The following CNTNAP5 variants were observed in gnomAD, a reference collection of about 807,000 sequenced individuals.
The protein encoded by CNTNAP5 is contactin-associated protein-like 5.
In CNTNAP5, 72 loss-of-function variants were observed where a neutral mutation model predicts 150.2. The observed-to-expected ratio is 0.48, with a 90% confidence interval of 0.40 to 0.58. CNTNAP5 has a LOEUF of 0.58. Among genes scored for constraint, CNTNAP5 ranks in the 20% least tolerant of loss-of-function variants. The pLI is 0.00. For synonymous variants in CNTNAP5, 672 were observed against 619.8 expected, an observed-to-expected ratio of 1.08 and a Z score of -1.25; for missense variants, 1,636 against 1,626.2, an observed-to-expected ratio of 1.01 and a Z score of -0.10.
intron 19 of CNTNAP5, among the ~76,000 whole-genome samples, chr2:124,805,699 G>T (rs888648561): frequency 6.6e-6 from 1 of 152,184 alleles, no homozygotes; most frequent in Non-Finnish European, 1.5e-5. Context: ...CAGACTGAAT[G>T]ACATAAACAA....
intron 1 of CNTNAP5, among the ~76,000 whole-genome samples, chr2:124,061,413 T>C (rs923592586): frequency 6.6e-5 from 10 of 152,316 alleles, no homozygotes; most frequent in African/African-American, 2.4e-4. Context: ...CTTTTTCTAA[T>C]AGAAGCTACT....
rs1030778154 is a variant in CNTNAP5, at chr2:124,664,598, T to G, written c.2077+16640T>G. On this transcript the variant is annotated intron_variant, in intron 13 of 23. Transcript: ENST00000682447. ...GGGCTCTGGAGTACGTCAAACCTGCTGCAGTCTGGGAATGACACATGTCAC... is the reference window on the plus strand; with the variant it reads ...GGGCTCTGGAGTACGTCAAACCTGCGGCAGTCTGGGAATGACACATGTCAC... 9.9e-5 allele frequency among the ~76,000 whole-genome samples: 15 copies of G among 152,202 alleles called. 1 individual carries two copies. The highest frequency in any genetic ancestry group is 4.4e-5 in the Non-Finnish European group (3 of 68,032).
At chr2:124,835,537 G>A (rs1682811655) in intron 19 of CNTNAP5, among the ~76,000 whole-genome samples, 1 of 152,090 alleles carries the variant, frequency 6.6e-6, no homozygotes, top group African/African-American at 2.4e-5. Context: ...GCGACATCCA[G>A]GTCCATGCCA....
intron 3 of CNTNAP5, among the ~76,000 whole-genome samples, chr2:124,273,144 T>A (rs2104615067): frequency 6.6e-6 from 1 of 152,336 alleles, no homozygotes; most frequent in South Asian, 2.1e-4. Flanking sequence ...ATAATGCCTG[T>A]CACATATTAA....
At chr2:124,092,046 G>A (rs1421140620) in intron 1 of CNTNAP5, among the ~76,000 whole-genome samples, 1 of 152,144 alleles carries the variant, frequency 6.6e-6, no homozygotes, top group Non-Finnish European at 1.5e-5. Context: ...ACCACTTCTG[G>A]TGGCCCCTAT....
chr2:124,191,212 AG>A (rs1685449789), intron 1 of CNTNAP5, among the ~76,000 whole-genome samples: 2 of 152,224 alleles, frequency 1.3e-5, no homozygotes, highest in Admixed American at 6.5e-5. Flanking sequence ...CCATCTCATC[AG>A]GCCAACAAAT....
chr2:124,497,404 A>G (rs1347142095), intron 7 of CNTNAP5, among the ~76,000 whole-genome samples: 3 of 152,202 alleles, frequency 2.0e-5, no homozygotes, highest in Non-Finnish European at 4.4e-5. Context: ...TAGGGTTGGC[A>G]AGTAATTCAG....
At chr2:124,211,185 G>A (rs577883058) in intron 1 of CNTNAP5, among the ~76,000 whole-genome samples, 6 of 152,278 alleles carry the variant, frequency 3.9e-5, no homozygotes, top group South Asian at 2.1e-4. Context: ...GCTAAAAACC[G>A]TGTGGATGGA....
chr2:124,641,857 A>G (rs748409375), intron 12 of CNTNAP5, among the ~76,000 whole-genome samples: 3 of 152,224 alleles, frequency 2.0e-5, no homozygotes, highest in South Asian at 2.1e-4. Flanking sequence ...ATATGTGTGT[A>G]GAATGAGGTC....
intron 3 of CNTNAP5, among the ~76,000 whole-genome samples, chr2:124,389,136 A>G (rs1691042549): frequency 6.6e-6 from 1 of 152,208 alleles, no homozygotes; most frequent in Non-Finnish European, 1.5e-5. Flanking sequence ...CAAACAAACA[A>G]GCAAACAGAA....
chr2:124,904,723 A>C (rs907988124), intron 22 of CNTNAP5, among the ~76,000 whole-genome samples: 2 of 152,128 alleles, frequency 1.3e-5, no homozygotes, highest in Non-Finnish European at 2.9e-5. Flanking sequence ...ATAAAAATTA[A>C]CTTGAAATGG....
chr2:124,882,297 C>A (rs1345907284), intron 21 of CNTNAP5, among the ~76,000 whole-genome samples: 4 of 152,068 alleles, frequency 2.6e-5, no homozygotes, highest in Non-Finnish European at 4.4e-5. Context: ...CTCACTGAGT[C>A]TCTGCCGGGG....
At chr2:124,123,717 C>T (rs777728716) in intron 1 of CNTNAP5, among the ~76,000 whole-genome samples, 17 of 152,150 alleles carry the variant, frequency 1.1e-4, no homozygotes, top group Admixed American at 2.0e-4. Context: ...TCCAGAAGGA[C>T]GATCTGACAG....
At chr2:124,761,150 A>T (rs1057180366) in intron 14 of CNTNAP5, among the ~76,000 whole-genome samples, 1 of 152,140 alleles carries the variant, frequency 6.6e-6, no homozygotes, top group Non-Finnish European at 1.5e-5. Context: ...CTCCTTGCCT[A>T]TCAATAGGTA....
At position 124,437,163 on chromosome 2, in the gene CNTNAP5, C is replaced by T. The variant is rs547432437; in HGVS notation, c.733+2476C>T. ...CTGTATCTCTAGCCTCCAGGAGAAA[C>T]TCTTCCTAAAGTAGGTACTTGAGGC... On this transcript the variant is annotated intron_variant, in intron 5 of 23. Transcript: ENST00000682447. 2.0e-5 allele frequency among the ~76,000 whole-genome samples: 3 copies of T among 152,288 alleles called. No homozygotes were observed. The East Asian group carries it at 5.8e-4, about 29-fold the overall frequency.
intron 3 of CNTNAP5, among the ~76,000 whole-genome samples, chr2:124,377,460 G>A (rs1573953866): frequency 6.6e-6 from 1 of 152,100 alleles, no homozygotes; most frequent in East Asian, 1.9e-4. Context: ...GATCACCTGA[G>A]GTCAGGAGTT....
chr2:124,718,705 G>A (rs1180578496), intron 13 of CNTNAP5, among the ~76,000 whole-genome samples: 2 of 151,912 alleles, frequency 1.3e-5, no homozygotes, highest in African/African-American at 4.8e-5. Flanking sequence ...AAGTAAGGCC[G>A]GGCCAAAGCG....
intron 1 of CNTNAP5, among the ~76,000 whole-genome samples, chr2:124,093,947 G>A (rs913165027): frequency 2.0e-5 from 3 of 152,202 alleles, no homozygotes; most frequent in Non-Finnish European, 2.9e-5. Context: ...GAGGCACAAC[G>A]TATTCTGATG....
intron 19 of CNTNAP5, among the ~76,000 whole-genome samples, chr2:124,801,240 A>G (rs1469623915): frequency 1.3e-5 from 2 of 152,206 alleles, no homozygotes; most frequent in African/African-American, 4.8e-5. Flanking sequence ...TGTGAAGATA[A>G]GAAAAGAAAT....
Sources: gnomAD v4.1 joint callset for allele counts (sites outside exome capture counted in the v4.1 genomes callset) on GRCh38, gnomAD v4.1.1 for gene constraint, MANE v1.5 for transcripts, NCBI Gene and HGNC (gene_info 2026-07-23, HGNC 2026-07-21) for gene names.